Variants in SPAG9 observed in about 807,000 individuals in gnomAD.
SPAG9 encodes C-Jun-amino-terminal kinase-interacting protein 4.
A neutral mutation model predicts 166.5 loss-of-function variants in SPAG9; 35 were observed. That is an observed-to-expected ratio of 0.21 (90% confidence interval 0.16 to 0.28). The LOEUF (loss-of-function observed/expected upper bound fraction) is 0.28, where lower values mean the gene tolerates loss of function less well. SPAG9 is among the 10% of genes least tolerant of loss of function. The pLI is 1.00. For missense variants in SPAG9, 1,235 were observed against 1,603.3 expected, an observed-to-expected ratio of 0.77 and a Z score of 3.92; for synonymous variants, 534 against 565.5, an observed-to-expected ratio of 0.94 and a Z score of 0.79.
At chr17:51,069,865 G>T (rs1453833507) in intron 2 of SPAG9, among the ~76,000 whole-genome samples, 2 of 152,142 alleles carry the variant, frequency 1.3e-5, no homozygotes, top group Middle Eastern at 3.4e-3. Flanking sequence ...TAACACATTT[G>T]ACTTCAGTGC....
chr17:51,049,603 AG>A (rs1030954117), intron 3 of SPAG9, among the ~76,000 whole-genome samples: 1 of 152,118 alleles, frequency 6.6e-6, no homozygotes, highest in Admixed American at 6.6e-5. Context: ...CGTTTGAGCC[AG>A]GGAGATCAAA....
At chr17:50,977,022 A>G in intron 27 of SPAG9, 86 bp downstream of exon 27, 1 of 825,588 alleles carries the variant, frequency 1.2e-6, no homozygotes, top group Non-Finnish European at 2.0e-6. Flanking sequence ...TGATTTTCTG[A>G]GCTAACACAG....
At chr17:51,037,685 A>ATATATAGTGTGTGTGTGTGTGTGT in intron 5 of SPAG9, among the ~76,000 whole-genome samples, 6 of 83,510 alleles carry the variant, frequency 7.2e-5, no homozygotes, top group African/African-American at 2.3e-4. Context: ...ATATATATAT[A>ATATATAGTGTGTGTGTGTGTGTGT]GTGTGTGTGT....
intron 3 of SPAG9, among the ~76,000 whole-genome samples, chr17:51,053,898 T>TATATATATATATATAA (rs1186528753): frequency 2.0e-5 from 2 of 100,170 alleles, no homozygotes; most frequent in Non-Finnish European, 4.0e-5. Flanking sequence ...TATATATATA[T>TATATATATATATATAA]AAAACATATA....
chr17:50,982,108 T>A (rs1322234704), intron 25 of SPAG9, among the ~76,000 whole-genome samples: 2 of 152,020 alleles, frequency 1.3e-5, no homozygotes, highest in Non-Finnish European at 2.9e-5. Context: ...TACAACAAAT[T>A]CCCAGTGCAA....
chr17:51,087,618 T>G (rs1032059373), intron 1 of SPAG9, among the ~76,000 whole-genome samples: 1 of 152,248 alleles, frequency 6.6e-6, no homozygotes, highest in Non-Finnish European at 1.5e-5. Context: ...GCTTCCCTTC[T>G]ACATTCAGAG....
chr17:51,046,494 G>A lies in SPAG9; in HGVS notation c.590+881C>T, dbSNP rs549441642. 5.6e-5 allele frequency: 85 copies of A among 1,531,128 alleles called. 1 individual carries two copies. In the South Asian group the frequency reaches 8.8e-4, roughly 16 times the overall value. The allele number at this position is 1,531,128 out of a possible 1,614,324, so 94.8% of individuals were successfully genotyped here. ...AAGCAGGGGCTTCTAAGAGAGATGG[G>A]AGTACCTGAGTATCCTTGGTAGGTT... On this transcript the variant is annotated intron_variant, in intron 4 of 29. Coordinates refer to ENST00000262013, the MANE Select transcript of SPAG9 (RefSeq NM_001130528.3).
intron 26 of SPAG9, among the ~76,000 whole-genome samples, chr17:50,978,815 G>C (rs1346026115): frequency 6.6e-6 from 1 of 152,112 alleles, no homozygotes; most frequent in Non-Finnish European, 1.5e-5. Flanking sequence ...GAACATGTAA[G>C]GTCTCCTGGT....
chr17:51,083,543 T>TTTTATTTATTTA (rs71149341), intron 1 of SPAG9, among the ~76,000 whole-genome samples: 4,507 of 141,132 alleles, frequency 0.032, 131 homozygotes, highest in African/African-American at 0.068. Context: ...AGCCTCTTTA[T>TTTTATTTATTTA]TTTATTTATT....
intron 1 of SPAG9, among the ~76,000 whole-genome samples, chr17:51,089,676 A>C (rs1195418253): frequency 3.0e-5 from 4 of 131,384 alleles, no homozygotes; most frequent in East Asian, 2.3e-4. Context: ...ACATACACAC[A>C]CACACTTTCT....
chr17:51,014,969 G>T (rs1192698670), intron 8 of SPAG9, among the ~76,000 whole-genome samples: 1 of 151,742 alleles, frequency 6.6e-6, no homozygotes, highest in Non-Finnish European at 1.5e-5. Context: ...ATTATTAATA[G>T]AAAAAACTCT....
chr17:51,083,576 T>TTTAC lies in SPAG9; in HGVS notation c.304-3873_304-3872insGTAA, dbSNP rs60757133. Among the ~76,000 whole-genome samples, 701 of 138,262 alleles carry TTTAC rather than the reference T, an allele frequency of 5.1e-3. 5 individuals carry two copies. The highest frequency in any genetic ancestry group is 0.017 in the African/African-American group (657 of 39,288). The allele number at this position is 138,262 out of a possible 152,430, so 90.7% of individuals were successfully genotyped here. ...ATTTATTTATTTATTTATTTATTTA[T>TTTAC]TTATTTAAGATGTAGGTCTCACTAT... is the stretch of plus-strand genomic sequence containing the variant. On this transcript the variant is annotated intron_variant, in intron 1 of 29. Transcript: ENST00000262013.
chr17:51,023,206 T>C (rs1289671117), intron 6 of SPAG9: 2 of 148,066 alleles, frequency 1.4e-5, no homozygotes, highest in Admixed American at 6.8e-5. Flanking sequence ...TTTGTATAAT[T>C]CTAAATACAT....
Position 51,077,089 on chromosome 17 carries a change from G to T in SPAG9, c.424+2495C>A, listed in dbSNP as rs62062986. On this transcript the variant is annotated intron_variant, in intron 2 of 29. Transcript: ENST00000262013. Reference sequence around the variant, plus strand: ...AGCTAGCTATCTAGCTATCTAGCTAGCTATCTATCTAGCTAGCTATCTAGC... The same window carrying T: ...AGCTAGCTATCTAGCTATCTAGCTATCTATCTATCTAGCTAGCTATCTAGC... Among the ~76,000 whole-genome samples, 262 of 67,336 alleles carry T rather than the reference G, an allele frequency of 3.9e-3. 4 individuals are homozygous for T. Among genetic ancestry groups the T allele is most frequent in the Middle Eastern group, 0.013 (2 of 150 alleles). 44.2% of individuals were successfully genotyped at this position (67,336 alleles called of 152,430 possible). A position where few individuals can be genotyped will look rare whatever the true frequency, so the allele number is the denominator to read the frequency against.
intron 1 of SPAG9, among the ~76,000 whole-genome samples, chr17:51,104,676 G>A (rs1210586136): frequency 1.3e-5 from 2 of 151,992 alleles, no homozygotes; most frequent in Non-Finnish European, 2.9e-5. Flanking sequence ...GCTCACGCCT[G>A]TAATCCCAGC....
chr17:51,038,507 A>G (rs1388586569), intron 5 of SPAG9, among the ~76,000 whole-genome samples: 1 of 152,194 alleles, frequency 6.6e-6, no homozygotes, highest in African/African-American at 2.4e-5. Context: ...ATTTTCCATT[A>G]TATTTGGAAC....
chr17:51,103,696 T>C (rs1205877875), intron 1 of SPAG9, among the ~76,000 whole-genome samples: 1 of 152,076 alleles, frequency 6.6e-6, no homozygotes, highest in East Asian at 1.9e-4. Flanking sequence ...GAAGCTGAAG[T>C]GAGAGGACCA....
chr17:51,004,324 T>C (rs2045100433), intron 12 of SPAG9, among the ~76,000 whole-genome samples: 1 of 152,244 alleles, frequency 6.6e-6, no homozygotes, highest in Non-Finnish European at 1.5e-5. Context: ...TACTTGTTTT[T>C]GTGTGTATCA....
intron 1 of SPAG9, among the ~76,000 whole-genome samples, chr17:51,100,975 A>G (rs2048791567): frequency 6.6e-6 from 1 of 152,144 alleles, no homozygotes; most frequent in Non-Finnish European, 1.5e-5. Flanking sequence ...AATTTCTGCC[A>G]AATGTGTCCA....
Sources: gnomAD v4.1 joint callset for allele counts (sites outside exome capture counted in the v4.1 genomes callset) on GRCh38, gnomAD v4.1.1 for gene constraint, MANE v1.5 for transcripts, NCBI Gene and HGNC (gene_info 2026-07-23, HGNC 2026-07-21) for gene names.